PRKAR2A: variants seen among roughly 807,000 people sequenced by gnomAD.
PRKAR2A encodes the protein cAMP-dependent protein kinase type II-alpha regulatory subunit.
A neutral mutation model predicts 51.9 loss-of-function variants in PRKAR2A; 29 were observed. The observed-to-expected ratio is 0.56, with a 90% CI of 0.42 to 0.76. PRKAR2A has a LOEUF of 0.76. Ranked by LOEUF, PRKAR2A falls within the 30% of genes least tolerant of loss-of-function variation. PRKAR2A has a pLI of 0.00. For missense variants in PRKAR2A, 445 were observed against 512.1 expected (o/e 0.87, Z 1.26); for synonymous variants, 178 against 186.2 (o/e 0.96, Z 0.36).
intron 6 of PRKAR2A, 123 bp downstream of exon 6, chr3:48,772,832 T>G (rs900025182): frequency 4.9e-5 from 50 of 1,027,582 alleles, no homozygotes; most frequent in Non-Finnish European, 3.0e-5. Context: ...TTAGTAGAGA[T>G]GGGGTTTCAC....
At chr3:48,776,368 T>C (rs2082105185) in intron 5 of PRKAR2A, among the ~76,000 whole-genome samples, 1 of 152,140 alleles carries the variant, frequency 6.6e-6, no homozygotes, top group Non-Finnish European at 1.5e-5. Context: ...AAAGATGTAA[T>C]TGCCAGGATT....
intron 2 of PRKAR2A, among the ~76,000 whole-genome samples, chr3:48,803,757 G>GC (rs1223433326): frequency 5.3e-5 from 8 of 152,132 alleles, no homozygotes; most frequent in Non-Finnish European, 1.2e-4. Context: ...AGGCGCAGTG[G>GC]CTTACGCTGG....
At chr3:48,806,859 C>T (rs2082682088) in intron 2 of PRKAR2A, among the ~76,000 whole-genome samples, 1 of 151,866 alleles carries the variant, frequency 6.6e-6, no homozygotes, top group Non-Finnish European at 1.5e-5. Context: ...GAAATCTCCA[C>T]CTCCTGGGTT....
intron 1 of PRKAR2A, among the ~76,000 whole-genome samples, chr3:48,841,543 CAAAAAAAAAAAAAA>C (rs397874491): frequency 1.7e-5 from 1 of 59,538 alleles, no homozygotes; most frequent in Admixed American, 2.3e-4. Flanking sequence ...GACTCTGTCT[CAAAAAAAAAAAAAA>C]AAAAAAAAAA....
At chr3:48,827,340 G>GAAAAAAAAAAAAAAA (rs34473962) in intron 1 of PRKAR2A, among the ~76,000 whole-genome samples, 1 of 121,408 alleles carries the variant, frequency 8.2e-6, no homozygotes, top group Non-Finnish European at 1.8e-5. Context: ...AGTTTAAGAT[G>GAAAAAAAAAAAAAAA]AAAAAAAAAA....
Position 48,748,786 on chromosome 3 carries a change from A to C in PRKAR2A, c.*2799T>G, listed in dbSNP as rs1054647819. 5 of 152,204 alleles carry C rather than the reference A, an allele frequency of 3.3e-5. No homozygotes were observed. The highest frequency in any genetic ancestry group is 2.6e-4 in the Admixed American group (4 of 15,270). 9.4% of individuals were successfully genotyped at this position (152,204 alleles called of 1,614,324 possible). A position where few individuals can be genotyped will look rare whatever the true frequency, so the allele number is the denominator to read the frequency against. On this transcript the variant is annotated 3_prime_UTR_variant, in exon 11 of 11. Transcript: ENST00000265563. Reference sequence around the variant, plus strand: ...GCTAAGGGCAAGACCTGTTTTCTGAATTTACTTTCTGATAATAAAGTAACA... The same window carrying C: ...GCTAAGGGCAAGACCTGTTTTCTGACTTTACTTTCTGATAATAAAGTAACA...
intron 1 of PRKAR2A, among the ~76,000 whole-genome samples, chr3:48,819,422 C>T (rs556753079): frequency 6.6e-6 from 1 of 152,284 alleles, no homozygotes; most frequent in Admixed American, 6.5e-5. Flanking sequence ...AACCCTATTA[C>T]CATCCCATTT....
rs924542177 is a variant in PRKAR2A, at chr3:48,816,581, T to C, written c.263-8897A>G. On this transcript the variant is annotated intron_variant, in intron 1 of 10. Transcript: ENST00000265563. ...TGAACCTGGGAGGTGGGGGTTGCAGTGAGCCGAGATCGCACCACTGCACTC... is the reference window on the plus strand; with the variant it reads ...TGAACCTGGGAGGTGGGGGTTGCAGCGAGCCGAGATCGCACCACTGCACTC... Among the ~76,000 whole-genome samples the C allele has an allele frequency of 2.6e-5, 4 of 151,862 alleles. No individual in the cohort carries two copies. In the East Asian group the frequency reaches 7.7e-4, roughly 29 times the overall value.
At chr3:48,773,972 C>T (rs2082068563) in intron 5 of PRKAR2A, among the ~76,000 whole-genome samples, 1 of 150,550 alleles carries the variant, frequency 6.6e-6, no homozygotes. Flanking sequence ...GTAGCTGTGA[C>T]CACAGACGTG....
intron 1 of PRKAR2A, among the ~76,000 whole-genome samples, chr3:48,824,982 C>T (rs1459142102): frequency 6.7e-6 from 1 of 148,916 alleles, no homozygotes; most frequent in Non-Finnish European, 1.5e-5. Context: ...TGAACTCAAA[C>T]ATATCAAATA....
chr3:48,828,615 C>G (rs1488776417), intron 1 of PRKAR2A, among the ~76,000 whole-genome samples: 1 of 146,516 alleles, frequency 6.8e-6, no homozygotes, highest in African/African-American at 2.5e-5. Flanking sequence ...CCAGCTACTC[C>G]AGGCTGAGGT....
chr3:48,790,400 T>C (rs2082365114), intron 4 of PRKAR2A, 144 bp downstream of exon 4: 1 of 479,992 alleles, frequency 2.1e-6, no homozygotes, highest in Non-Finnish European at 3.6e-6. Context: ...GTCAATACAA[T>C]GAAAACATCT....
At chr3:48,809,471 C>T (rs963419182) in intron 1 of PRKAR2A, among the ~76,000 whole-genome samples, 1 of 151,632 alleles carries the variant, frequency 6.6e-6, no homozygotes, top group African/African-American at 2.4e-5. Flanking sequence ...TGGCGCACTC[C>T]TGTAATCCTA....
intron 6 of PRKAR2A, among the ~76,000 whole-genome samples, chr3:48,768,344 T>TAGATAG (rs1559608383): frequency 3.3e-5 from 4 of 122,260 alleles, no homozygotes; most frequent in East Asian, 2.6e-4. Context: ...TAGATAGATA[T>TAGATAG]AGACAGACAG....
intron 8 of PRKAR2A, among the ~76,000 whole-genome samples, chr3:48,760,666 T>TA (rs534005882): frequency 0.025 from 2,623 of 106,908 alleles, 46 homozygotes; most frequent in Middle Eastern, 0.055. Flanking sequence ...CTGTCTTTAC[T>TA]AAAAAAAAAA....
chr3:48,810,745 G>T (rs1055249853), intron 1 of PRKAR2A, among the ~76,000 whole-genome samples: 1 of 151,858 alleles, frequency 6.6e-6, no homozygotes, highest in African/African-American at 2.4e-5. Context: ...ATATGCAAAC[G>T]CCATAATCAT....
Position 48,761,154 on chromosome 3 carries a change from C to T in PRKAR2A, c.873+3850G>A, listed in dbSNP as rs891888786. ...AAAATTAGCCGGACGTGGTGGCGGG[C>T]GCCTGTAGTCCCAGCTACTTGGGAG... On this transcript the variant is annotated intron_variant, in intron 8 of 10. Coordinates refer to ENST00000265563, the MANE Select transcript of PRKAR2A (RefSeq NM_004157.4). 2.6e-5 allele frequency among the ~76,000 whole-genome samples: 4 copies of T among 151,154 alleles called. No individual in the cohort carries two copies. The East Asian group carries it at 7.9e-4, about 30-fold the overall frequency.
downstream of PRKAR2A, among the ~76,000 whole-genome samples, chr3:48,745,342 G>A (rs536282798): frequency 2.6e-5 from 4 of 151,958 alleles, no homozygotes; most frequent in Non-Finnish European, 5.9e-5. Flanking sequence ...GCTCTGCTGG[G>A]TTTCATTGGT....
rs1284056088 is a variant in PRKAR2A, at chr3:48,759,817, G to T, written c.874-3373C>A. 6.6e-5 allele frequency among the ~76,000 whole-genome samples: 10 copies of T among 152,230 alleles called. 1 individual carries two copies. The South Asian group carries it at 1.9e-3, about 28-fold the overall frequency. ...TTAGGTCTTTGTGAACATGTCATCA[G>T]GTTCTTATATGTCTCTTTTTCACAA... On this transcript the variant is annotated intron_variant, in intron 8 of 10. Coordinates refer to ENST00000265563, the MANE Select transcript of PRKAR2A (RefSeq NM_004157.4).
Sources: allele counts gnomAD v4.1 joint callset (sites outside exome capture counted in the v4.1 genomes callset), GRCh38; gene constraint gnomAD v4.1.1; transcripts MANE v1.5; gene names NCBI Gene and HGNC (gene_info 2026-07-23, HGNC 2026-07-21).